Variants in ABLIM2 observed in about 807,000 individuals in gnomAD.
The protein encoded by ABLIM2 is actin-binding LIM protein 2.
In ABLIM2, 53 loss-of-function variants were observed where a neutral mutation model predicts 97.7. That is an observed-to-expected ratio of 0.54 (90% CI 0.44 to 0.68). The LOEUF is 0.68. Ranked by LOEUF, ABLIM2 falls within the 30% of genes least tolerant of loss-of-function variation. The probability of loss-of-function intolerance (pLI) is 0.00; values close to 1 mark genes in which losing one functional copy is unlikely to be tolerated. For missense variants in ABLIM2, 835 were observed against 867.2 expected, an observed-to-expected ratio of 0.96 and a Z score of 0.47; for synonymous variants, 361 against 345.8, an observed-to-expected ratio of 1.04 and a Z score of -0.49.
At chr4:8,020,355 A>G in intron 12 of ABLIM2, 52 bp from the exon 13 acceptor site, 3 of 1,486,000 alleles carry the variant, frequency 2.0e-6, no homozygotes, top group Non-Finnish European at 2.8e-6. Context: ...GGGAAAGCAA[A>G]GTAGAATATT....
intron 1 of ABLIM2, among the ~76,000 whole-genome samples, chr4:8,158,110 G>A (rs1444067199): frequency 1.3e-5 from 2 of 152,242 alleles, no homozygotes; most frequent in African/African-American, 4.8e-5. Context: ...GCAGGGGCGA[G>A]GGGCTGGAGA....
chr4:8,036,284 ACCAAGCTTGG>A lies in ABLIM2; in HGVS notation c.902_911del (p.Ala301ValfsTer27). The A allele has an allele frequency of 6.2e-7, 1 of 1,613,726 alleles. No individual in the cohort carries two copies. The highest frequency in any genetic ancestry group is 8.5e-7 in the Non-Finnish European group (1 of 1,179,714). ...AGTCCCTGTAGTCCAGGATCTCACC[ACCAAGCTTGG>A]CCTGAGAGGGGAAAGAGAATTGGGG... is the stretch of plus-strand genomic sequence containing the variant. On this transcript the variant is annotated frameshift_variant and splice_region_variant, in exon 10 of 21. Transcript: ENST00000447017. LOFTEE classifies it high-confidence loss of function.
rs1311333443 is a variant in ABLIM2 at position 8,022,469 on chromosome 4, G to A, written c.1268-2166C>T. ...ACTTGGAGGGGCCTGAGGCCGCAGG[G>A]AAGCTGGGGACACAGCCATGTTGGC... On this transcript the variant is annotated intron_variant, in intron 12 of 20. Transcript: ENST00000447017. This position sits in a 1 kb window ranked among gnomAD's most constrained non-coding sequence, Gnocchi z 7.8. Among the ~76,000 whole-genome samples, 3 of 152,218 alleles carry A rather than the reference G, an allele frequency of 2.0e-5. No homozygotes were observed. Among genetic ancestry groups the A allele is most frequent in the Non-Finnish European group, 4.4e-5 (3 of 68,038 alleles).
rs935216893 is a variant in ABLIM2, at chr4:8,155,768, C to T, written c.10+2912G>A. ...AGACACACACAAAGGGAAGACGGGA[C>T]GAGGACACAGACACACACAAAGGGA... On this transcript the variant is annotated intron_variant, in intron 1 of 20. Transcript: ENST00000447017. This position sits in a 1 kb window ranked among gnomAD's most constrained non-coding sequence, Gnocchi z 4.2. 5.4e-5 allele frequency among the ~76,000 whole-genome samples: 7 copies of T among 129,820 alleles called. No individual in the cohort carries two copies. The highest frequency in any genetic ancestry group is 1.4e-4 in the African/African-American group (5 of 35,044). 85.2% of individuals were successfully genotyped at this position (129,820 alleles called of 152,430 possible). A position where few individuals can be genotyped will look rare whatever the true frequency, so the allele number is the denominator to read the frequency against.
chr4:8,118,814 C>G, intron 1 of ABLIM2, among the ~76,000 whole-genome samples: 1 of 152,252 alleles, frequency 6.6e-6, no homozygotes, highest in Non-Finnish European at 1.5e-5. Flanking sequence ...AATGCCCCCT[C>G]TGTACCGACA....
At chr4:8,056,122 A>C (rs202209863) in intron 7 of ABLIM2, among the ~76,000 whole-genome samples, 1 of 84,346 alleles carries the variant, frequency 1.2e-5, no homozygotes. Flanking sequence ...CAAAAAAAAA[A>C]AAAAAAAAAA....
Position 8,002,964 on chromosome 4 carries a change from A to G in ABLIM2, c.1618+5095T>C, listed in dbSNP as rs187701762. On this transcript the variant is annotated intron_variant, in intron 16 of 20. Transcript: ENST00000447017. This position sits in a 1 kb window ranked among gnomAD's most constrained non-coding sequence, Gnocchi z 6.1. ...CAGCCCTCTCTAGCCCTCTTAGCAC[A>G]GGGCACTGATATAACTCACTTTCAG... Among the ~76,000 whole-genome samples the G allele has an allele frequency of 6.4e-4, 98 of 152,324 alleles. No individual in the cohort carries two copies. The highest frequency in any genetic ancestry group is 2.3e-3 in the African/African-American group (95 of 41,576).
In ABLIM2 at chr4:8,004,223, A is replaced by T. The variant is rs1196741776; in HGVS notation, c.1618+3836T>A. ...CAAGCAGAGACAAGCACCTCCCACCAGACATGGGACTCCGCCCGGTCCCAC... is the reference window on the plus strand; with the variant it reads ...CAAGCAGAGACAAGCACCTCCCACCTGACATGGGACTCCGCCCGGTCCCAC... On this transcript the variant is annotated intron_variant, in intron 16 of 20. Transcript: ENST00000447017. The surrounding 1 kb of genome is among the most constrained non-coding windows in gnomAD (Gnocchi z 5.9). Among the ~76,000 whole-genome samples, 1 of 151,980 alleles carries T rather than the reference A, an allele frequency of 6.6e-6. No homozygotes were observed. Among genetic ancestry groups the T allele is most frequent in the African/African-American group, 2.4e-5 (1 of 41,440 alleles).
chr4:8,020,093 T>C (rs1403859697), intron 13 of ABLIM2, 109 bp downstream of exon 13: 4 of 957,664 alleles, frequency 4.2e-6, no homozygotes, highest in East Asian at 2.6e-5. Flanking sequence ...GAGCCTGGAG[T>C]GTCGTCTGGC....
chr4:8,045,985 A>G (rs536880290), intron 8 of ABLIM2, among the ~76,000 whole-genome samples: 1 of 152,114 alleles, frequency 6.6e-6, no homozygotes, highest in Non-Finnish European at 1.5e-5. Context: ...TGGGCCCCCA[A>G]GCCTTTCTCA....
chr4:8,067,919 G>T lies in ABLIM2; in HGVS notation c.676-6865C>A, dbSNP rs1298507904. Among the ~76,000 whole-genome samples, 4 of 152,192 alleles carry T rather than the reference G, an allele frequency of 2.6e-5. No individual in the cohort carries two copies. Among genetic ancestry groups the T allele is most frequent in the Non-Finnish European group, 5.9e-5 (4 of 68,024 alleles). ...ATTCCAGAGGACATTTAGCTGGAAGGTACCGGCATGGCACAGGTCACCCCC... is the reference window on the plus strand; with the variant it reads ...ATTCCAGAGGACATTTAGCTGGAAGTTACCGGCATGGCACAGGTCACCCCC... On this transcript the variant is annotated intron_variant, in intron 6 of 20. Coordinates refer to ENST00000447017, the MANE Select transcript of ABLIM2 (RefSeq NM_001130083.2). This position sits in a 1 kb window ranked among gnomAD's most constrained non-coding sequence, Gnocchi z 5.4.
At chr4:7,969,277 G>A (rs1483001128) in intron 20 of ABLIM2, among the ~76,000 whole-genome samples, 1 of 152,044 alleles carries the variant, frequency 6.6e-6, no homozygotes, top group Non-Finnish European at 1.5e-5. Context: ...AACATGGTGA[G>A]ACTCCATCTC....
At chr4:7,991,695 G>T (rs1748851049) in intron 17 of ABLIM2, among the ~76,000 whole-genome samples, 1 of 152,200 alleles carries the variant, frequency 6.6e-6, no homozygotes, top group South Asian at 2.1e-4. Flanking sequence ...GGGAAGAGCA[G>T]TTCGTGGGGT....
chr4:8,028,841 A>G (rs1779091561), intron 11 of ABLIM2, among the ~76,000 whole-genome samples: 2 of 152,260 alleles, frequency 1.3e-5, no homozygotes, highest in South Asian at 4.1e-4. Flanking sequence ...CAAGGAGTCA[A>G]TGGAAATAAC....
intron 12 of ABLIM2, among the ~76,000 whole-genome samples, chr4:8,024,557 G>A (rs1776128122): frequency 2.0e-5 from 3 of 152,212 alleles, no homozygotes; most frequent in African/African-American, 7.2e-5. Context: ...GACGCTGCCT[G>A]GTGTCCAGCT....
intron 9 of ABLIM2, among the ~76,000 whole-genome samples, chr4:8,038,533 C>T (rs1786019501): frequency 6.6e-6 from 1 of 152,192 alleles, no homozygotes; most frequent in Admixed American, 6.5e-5. Context: ...CCAGGTTCAG[C>T]CCCCTACTCC....
chr4:8,128,513 A>G lies in ABLIM2; in HGVS notation c.11-21876T>C, dbSNP rs1399785042. On this transcript the variant is annotated intron_variant, in intron 1 of 20. Coordinates refer to ENST00000447017, the MANE Select transcript of ABLIM2 (RefSeq NM_001130083.2). The surrounding 1 kb of genome is among the most constrained non-coding windows in gnomAD (Gnocchi z 4.9). ...TTTAGATTTTATTTAATTTTAATTC[A>G]ACCAGGGGACCTGCTGGTTACCAGA... Among the ~76,000 whole-genome samples, 1 of 152,210 alleles carries G rather than the reference A, an allele frequency of 6.6e-6. No homozygotes were observed. The highest frequency in any genetic ancestry group is 1.5e-5 in the Non-Finnish European group (1 of 68,044).
intron 8 of ABLIM2, among the ~76,000 whole-genome samples, chr4:8,047,240 G>A (rs1188359706): frequency 2.0e-5 from 3 of 152,154 alleles, no homozygotes; most frequent in Non-Finnish European, 4.4e-5. Context: ...GAGTGGGCAT[G>A]ACACTCCACC....
At position 8,075,665 on chromosome 4, in the gene ABLIM2, C is replaced by A. The variant is rs1815545657; in HGVS notation, c.675+1963G>T. ...TGTGATGACACCACCGCACTCCAGC[C>A]TGGGCAACTGAGTGAGAACCTCTCC... On this transcript the variant is annotated intron_variant, in intron 6 of 20. Coordinates refer to ENST00000447017, the MANE Select transcript of ABLIM2 (RefSeq NM_001130083.2). This position sits in a 1 kb window ranked among gnomAD's most constrained non-coding sequence, Gnocchi z 4.4. Among the ~76,000 whole-genome samples the A allele has an allele frequency of 6.6e-6, 1 of 152,042 alleles. No homozygotes were observed. The highest frequency in any genetic ancestry group is 2.4e-5 in the African/African-American group (1 of 41,388).
Sources: gnomAD v4.1 joint callset for allele counts (sites outside exome capture counted in the v4.1 genomes callset) on GRCh38, gnomAD v4.1.1 for gene constraint, Gnocchi (gnomAD v3.1) non-coding constraint, MANE v1.5 for transcripts, NCBI Gene and HGNC (gene_info 2026-07-23, HGNC 2026-07-21) for gene names.